The following AMPH variants were observed in gnomAD, a reference collection of about 807,000 sequenced individuals.
AMPH encodes amphiphysin (Stiff-Mann syndrome with breast cancer 128kD autoantigen).
In AMPH, 49 loss-of-function variants were observed where a neutral mutation model predicts 99.1. The ratio of observed to expected loss-of-function variants is 0.49; its 90% CI spans 0.39 to 0.63. AMPH has a LOEUF of 0.63. AMPH is among the 20% of genes least tolerant of loss of function. AMPH has a pLI of 0.00. For synonymous variants in AMPH, 314 were observed against 317.3 expected (o/e 0.99, Z 0.11); for missense variants, 759 against 863.4 (o/e 0.88, Z 1.52).
rs144661060 is a variant in AMPH, at chr7:38,391,912, C to A, written c.1714G>T (p.Ala572Ser). The A allele has an allele frequency of 3.1e-6, 5 of 1,612,644 alleles. No individual in the cohort carries two copies. The highest frequency in any genetic ancestry group is 4.2e-6 in the Non-Finnish European group (5 of 1,179,814). Residue 572 changes from alanine (A) to serine (S), a missense_variant, in exon 19 of 21, where the codon GCG becomes TCG. Physicochemically the swap from Ala to Ser is moderately conservative, Grantham distance 99. Around this residue, in one of 2 missense-constraint regions of AMPH, gnomAD observed 554 missense variants for 575.6 expected, o/e 0.96. Coordinates refer to ENST00000356264, the MANE Select transcript of AMPH (RefSeq NM_001635.4). ...GAEPKETTEDAAPPGPTSETP... is the reference protein window; with the variant it reads ...GAEPKETTEDSAPPGPTSETP... ...TCGCTGGTGGGGCCCGGAGGAGCCG[C>A]GTCCTCGGTGGTCTCCTTGGGCTCT...
At chr7:38,522,051 T>C (rs1363555839) in intron 2 of AMPH, among the ~76,000 whole-genome samples, 1 of 152,140 alleles carries the variant, frequency 6.6e-6, no homozygotes, top group African/African-American at 2.4e-5. Flanking sequence ...ATGAGCTGCT[T>C]GGGATCTGTG....
intron 2 of AMPH, among the ~76,000 whole-genome samples, chr7:38,513,699 G>A (rs993936639): frequency 6.6e-6 from 1 of 152,120 alleles, no homozygotes; most frequent in Non-Finnish European, 1.5e-5. Flanking sequence ...TTGAGTCAAT[G>A]AAGAATCCTT....
intron 12 of AMPH, among the ~76,000 whole-genome samples, chr7:38,433,617 T>G (rs1329841626): frequency 9.3e-6 from 1 of 107,366 alleles, no homozygotes; most frequent in African/African-American, 3.9e-5. Flanking sequence ...CCCAGCTACT[T>G]GGGAGGCTGA....
chr7:38,396,503 C>T (rs1784674291), intron 17 of AMPH, among the ~76,000 whole-genome samples: 1 of 152,118 alleles, frequency 6.6e-6, no homozygotes, highest in Non-Finnish European at 1.5e-5. Flanking sequence ...TTATCAGCAG[C>T]ATGAAAATGG....
At chr7:38,595,713 A>G (rs1282494487) in intron 1 of AMPH, among the ~76,000 whole-genome samples, 1 of 152,154 alleles carries the variant, frequency 6.6e-6, no homozygotes. Flanking sequence ...TTTCAACCCA[A>G]GCTCCTACCC....
chr7:38,599,217 T>C (rs2129060805), intron 1 of AMPH, among the ~76,000 whole-genome samples: 1 of 152,332 alleles, frequency 6.6e-6, no homozygotes, highest in East Asian at 1.9e-4. Context: ...ACTTCATTGT[T>C]TCTATATACC....
intron 18 of AMPH, 96 bp downstream of exon 18, chr7:38,393,909 A>G (rs1284137113): frequency 4.3e-6 from 5 of 1,169,732 alleles, no homozygotes; most frequent in Non-Finnish European, 6.3e-6. Context: ...CAAACCTATT[A>G]TACATCCAAA....
intron 2 of AMPH, among the ~76,000 whole-genome samples, chr7:38,525,318 C>G (rs1275167732): frequency 2.0e-4 from 23 of 117,248 alleles, no homozygotes; most frequent in African/African-American, 7.2e-4. Flanking sequence ...AGAGAGGGAG[C>G]CTTTGCATCC....
intron 20 of AMPH, among the ~76,000 whole-genome samples, 182 bp from the exon 21 acceptor site, chr7:38,385,107 A>AAAAAAG (rs1048891143): frequency 6.6e-6 from 1 of 152,144 alleles, no homozygotes; most frequent in African/African-American, 2.4e-5. Context: ...TAGTTAAAAA[A>AAAAAAG]AAAAAGAAAA....
chr7:38,429,913 A>G (rs1222222105), intron 13 of AMPH, 48 bp from the exon 14 acceptor site: 1 of 1,548,352 alleles, frequency 6.5e-7, no homozygotes. Context: ...GAGAAAATTC[A>G]CTAACACAAT....
intron 17 of AMPH, among the ~76,000 whole-genome samples, chr7:38,395,999 C>T (rs1784658932): frequency 6.6e-6 from 1 of 152,196 alleles, no homozygotes; most frequent in South Asian, 2.1e-4. Context: ...ATGTTAACAG[C>T]TATACTACTC....
intron 1 of AMPH, among the ~76,000 whole-genome samples, chr7:38,535,491 T>G (rs1364209703): frequency 6.6e-6 from 1 of 152,194 alleles, no homozygotes; most frequent in Admixed American, 6.5e-5. Flanking sequence ...AGACAATTTT[T>G]CCACTGACCA....
chr7:38,538,447 G>A lies in AMPH; in HGVS notation c.70-3436C>T, dbSNP rs536542679. ...GGGTGGGAGGTGTGGAACTGGAGTG[G>A]ACAAGGGTGGCATGATAGGCAGAGG... On this transcript the variant is annotated intron_variant, in intron 1 of 20. Transcript: ENST00000356264. Among the ~76,000 whole-genome samples the A allele has an allele frequency of 5.3e-5, 8 of 152,268 alleles. No individual in the cohort carries two copies. The South Asian group carries it at 1.7e-3, about 32-fold the overall frequency.
chr7:38,396,764 T>C (rs1784682975), intron 17 of AMPH, among the ~76,000 whole-genome samples: 1 of 152,234 alleles, frequency 6.6e-6, no homozygotes, highest in Non-Finnish European at 1.5e-5. Context: ...AAGAGAATAG[T>C]AATCAGAACA....
At chr7:38,586,245 C>T (rs1404512461) in intron 1 of AMPH, among the ~76,000 whole-genome samples, 1 of 152,158 alleles carries the variant, frequency 6.6e-6, no homozygotes, top group Non-Finnish European at 1.5e-5. Context: ...CCCCACAAAC[C>T]GTTTACCCAG....
intron 7 of AMPH, among the ~76,000 whole-genome samples, chr7:38,473,796 A>ATT (rs1379068070): frequency 8.3e-5 from 12 of 143,740 alleles, no homozygotes; most frequent in African/African-American, 3.0e-4. Context: ...TATTTTTTAA[A>ATT]AAAAAGCCAT....
At chr7:38,579,576 G>A (rs1166877493) in intron 1 of AMPH, among the ~76,000 whole-genome samples, 1 of 152,206 alleles carries the variant, frequency 6.6e-6, no homozygotes, top group African/African-American at 2.4e-5. Context: ...TCAGGTATCG[G>A]TTGGCATGAA....
At chr7:38,492,997 G>A (rs767989307) in intron 4 of AMPH, among the ~76,000 whole-genome samples, 22 of 152,222 alleles carry the variant, frequency 1.4e-4, no homozygotes, top group Non-Finnish European at 2.6e-4. Flanking sequence ...TAATGTGTGC[G>A]GTCTGCTTTG....
Position 38,461,344 on chromosome 7 carries a change from T to C in AMPH, c.956A>G (p.Asn319Ser). Residue 319 changes from asparagine (N) to serine (S), a missense_variant, in exon 11 of 21, where the codon AAC (asparagine) becomes AGC (serine). Around this residue, in one of 2 missense-constraint regions of AMPH, gnomAD observed 554 missense variants for 575.6 expected, o/e 0.96. Coordinates refer to ENST00000356264, the MANE Select transcript of AMPH (RefSeq NM_001635.4). ...VTPTKELQQE[N>S]IISFFEDNFV... ...GTTGTCCTCAAAGAAACTGATGATG[T>C]TCTCCTGCTGCAGTTCCTTTGTCGG... 4 of 1,614,146 alleles carry C rather than the reference T, an allele frequency of 2.5e-6. No homozygotes were observed. The highest frequency in any genetic ancestry group is 3.4e-6 in the Non-Finnish European group (4 of 1,179,986).
Sources: allele counts gnomAD v4.1 joint callset (sites outside exome capture counted in the v4.1 genomes callset), GRCh38; gene constraint gnomAD v4.1.1; regional missense constraint gnomAD v4.1.1; transcripts MANE v1.5; gene names NCBI Gene and HGNC (gene_info 2026-07-23, HGNC 2026-07-21).